The following RIMS2 variants were observed in gnomAD, a reference collection of about 807,000 sequenced individuals.
The protein encoded by RIMS2 is regulating synaptic membrane exocytosis 2.
Under a neutral mutation model 174.4 loss-of-function variants are expected in RIMS2, and 59 were observed. The observed-to-expected ratio is 0.34, with a 90% CI of 0.27 to 0.42. The LOEUF is 0.42. RIMS2 is among the 10% of genes least tolerant of loss of function. The probability of loss-of-function intolerance (pLI) is 1.00; values close to 1 mark genes in which losing one functional copy is unlikely to be tolerated. For missense variants in RIMS2, 1,620 were observed against 1,666.3 expected, an observed-to-expected ratio of 0.97 and a Z score of 0.48; for synonymous variants, 606 against 572.5, an observed-to-expected ratio of 1.06 and a Z score of -0.84.
chr8:104,038,078 C>T, intron 19 of RIMS2, among the ~76,000 whole-genome samples: 1 of 151,804 alleles, frequency 6.6e-6, no homozygotes, highest in East Asian at 1.9e-4. Flanking sequence ...TAATTACACT[C>T]TATAATACAC....
intron 1 of RIMS2, among the ~76,000 whole-genome samples, chr8:103,611,389 T>C (rs2095361351): frequency 1.3e-5 from 2 of 152,202 alleles, no homozygotes; most frequent in Non-Finnish European, 2.9e-5. Context: ...TTTTTCTGCA[T>C]GCTTAGTGAG....
chr8:103,920,110 A>T (rs1393572455), intron 9 of RIMS2, among the ~76,000 whole-genome samples: 1 of 152,172 alleles, frequency 6.6e-6, no homozygotes, highest in East Asian at 1.9e-4. Flanking sequence ...CTATAATTCC[A>T]AAATCGTTTC....
intron 1 of RIMS2, among the ~76,000 whole-genome samples, chr8:103,634,959 T>A (rs190292534): frequency 6.6e-6 from 1 of 152,340 alleles, no homozygotes; most frequent in East Asian, 1.9e-4. Context: ...CCATTGGGTC[T>A]TTTTTATCCA....
intron 7 of RIMS2, 137 bp downstream of exon 10, chr8:103,915,731 G>T: frequency 2.3e-6 from 1 of 441,362 alleles, no homozygotes. Flanking sequence ...TTCATTAATG[G>T]AAAGGCAAAA....
At chr8:103,672,622 T>C (rs998926818) in intron 1 of RIMS2, among the ~76,000 whole-genome samples, 3 of 151,950 alleles carry the variant, frequency 2.0e-5, no homozygotes, top group Admixed American at 1.3e-4. Flanking sequence ...TCACTCACTA[T>C]AGTGAAGATA....
chr8:103,537,285 A>G (rs539064416), intron 1 of RIMS2, among the ~76,000 whole-genome samples: 2 of 152,346 alleles, frequency 1.3e-5, no homozygotes, highest in African/African-American at 2.4e-5. Context: ...TACAAATGCT[A>G]TATGGTTAAC....
At chr8:103,927,103 G>C (rs1181569880) in intron 10 of RIMS2, among the ~76,000 whole-genome samples, 1 of 151,292 alleles carries the variant, frequency 6.6e-6, no homozygotes, top group South Asian at 2.1e-4. Flanking sequence ...GTCAATAAAG[G>C]CTTGGAAAAG....
intron 1 of RIMS2, among the ~76,000 whole-genome samples, chr8:103,554,005 G>C (rs763041482): frequency 2.6e-5 from 4 of 152,156 alleles, no homozygotes; most frequent in Non-Finnish European, 4.4e-5. Context: ...GTTTGTGAAA[G>C]ATTGAAGCTG....
intron 3 of RIMS2, among the ~76,000 whole-genome samples, chr8:103,826,078 G>T (rs1048256535): frequency 1.3e-5 from 2 of 152,094 alleles, no homozygotes; most frequent in African/African-American, 4.8e-5. Context: ...CCTTTGTAAA[G>T]TGTCCAATAT....
At chr8:104,243,282 G>T (rs986456894) in intron 19 of RIMS2, among the ~76,000 whole-genome samples, 2 of 152,210 alleles carry the variant, frequency 1.3e-5, no homozygotes, top group Non-Finnish European at 2.9e-5. Flanking sequence ...TGGAAGTAGA[G>T]AATGGATGAA....
chr8:103,819,685 A>G, intron 3 of RIMS2: 1 of 1,375,836 alleles, frequency 7.3e-7, no homozygotes, highest in Non-Finnish European at 1.0e-6. Flanking sequence ...GAATAATCTT[A>G]TATGCCAGTA....
At chr8:103,809,638 A>G (rs1053818608) in intron 3 of RIMS2, among the ~76,000 whole-genome samples, 2 of 152,220 alleles carry the variant, frequency 1.3e-5, no homozygotes, top group Non-Finnish European at 2.9e-5. Flanking sequence ...CATAAAGCAC[A>G]GTACCTTGAA....
rs2099308647 is a variant in RIMS2, at chr8:103,898,733, TA to T, written c.1625-11400del. 2.0e-5 allele frequency among the ~76,000 whole-genome samples: 3 copies of T among 151,582 alleles called. No individual in the cohort carries two copies. In the South Asian group the frequency reaches 6.2e-4, roughly 31 times the overall value. On this transcript the variant is annotated intron_variant, in intron 4 of 23. Coordinates refer to ENST00000504942, the Ensembl canonical transcript of RIMS2. ...CTTTTTGTTTGTTTTTATTTTTTTT[TA>T]TTATTATACTTTAAGTTCTAGGGTA...
At chr8:104,155,030 CTAG>C (rs2098712970) in intron 19 of RIMS2, among the ~76,000 whole-genome samples, 1 of 151,906 alleles carries the variant, frequency 6.6e-6, no homozygotes, top group Non-Finnish European at 1.5e-5. Context: ...ATGGCTTCAC[CTAG>C]TATTCTCAGT....
At chr8:103,529,026 A>G (rs1229201739) in intron 1 of RIMS2, among the ~76,000 whole-genome samples, 7 of 152,212 alleles carry the variant, frequency 4.6e-5, no homozygotes, top group East Asian at 1.9e-4. Flanking sequence ...ATCCATGAGC[A>G]TGGAATGTTC....
At chr8:104,244,826 T>C in intron 19 of RIMS2, 90 bp from the exon 26 acceptor site, 1 of 1,008,770 alleles carries the variant, frequency 9.9e-7, no homozygotes, top group Non-Finnish European at 1.5e-6. Context: ...TACACAGTTC[T>C]TTGCATCTGA....
chr8:103,737,175 C>CTTTTT (rs554949027), intron 2 of RIMS2, among the ~76,000 whole-genome samples: 2 of 67,506 alleles, frequency 3.0e-5, no homozygotes, highest in Non-Finnish European at 5.2e-5. Flanking sequence ...TTTCTTTGTT[C>CTTTTT]TTTTTTTTTT....
chr8:103,911,486 C>T (rs1392385005), intron 5 of RIMS2, among the ~76,000 whole-genome samples: 1 of 152,072 alleles, frequency 6.6e-6, no homozygotes, highest in Non-Finnish European at 1.5e-5. Context: ...GCAGATTCAA[C>T]TGGGAATTTA....
At chr8:103,920,000 G>T (rs1005467950) in intron 9 of RIMS2, among the ~76,000 whole-genome samples, 1 of 152,048 alleles carries the variant, frequency 6.6e-6, no homozygotes. Context: ...ATCCTATGGG[G>T]TAGGTTAAAA....
Sources: allele counts gnomAD v4.1 joint callset (sites outside exome capture counted in the v4.1 genomes callset), GRCh38; gene constraint gnomAD v4.1.1; transcripts MANE v1.5; gene names NCBI Gene and HGNC (gene_info 2026-07-23, HGNC 2026-07-21).